The following DCC variants were observed in gnomAD, a reference collection of about 807,000 sequenced individuals.
The protein encoded by DCC is DCC netrin 1 receptor.
Under a neutral mutation model 172.5 loss-of-function variants are expected in DCC, and 58 were observed. The observed-to-expected ratio is 0.34, with a 90% confidence interval of 0.27 to 0.42. The LOEUF is 0.42. DCC is among the 10% of genes least tolerant of loss of function. DCC has a pLI of 1.00. For synonymous variants in DCC, 709 were observed against 644.5 expected, an observed-to-expected ratio of 1.10 and a Z score of -1.52; for missense variants, 1,740 against 1,791.0, an observed-to-expected ratio of 0.97 and a Z score of 0.51.
intron 7 of DCC, among the ~76,000 whole-genome samples, chr18:53,074,255 T>C (rs1165372030): frequency 6.6e-6 from 1 of 152,196 alleles, no homozygotes. Context: ...GCCAATTTCA[T>C]GTGCCATACT....
intron 27 of DCC, among the ~76,000 whole-genome samples, chr18:53,502,161 T>C (rs907677610): frequency 1.3e-5 from 2 of 152,204 alleles, no homozygotes; most frequent in Non-Finnish European, 2.9e-5. Flanking sequence ...CATCTCTTCT[T>C]TCCTATTTTC....
At chr18:53,503,659 TTTAGTGATCAGCTGCAC>T (rs2046132637) in intron 27 of DCC, among the ~76,000 whole-genome samples, 1 of 152,220 alleles carries the variant, frequency 6.6e-6, no homozygotes, top group Non-Finnish European at 1.5e-5. Context: ...TAAAATTCCT[TTTAGTGATCAGCTGCAC>T]TTTAAATGAA....
At chr18:52,698,844 C>T (rs1159317895) in intron 1 of DCC, among the ~76,000 whole-genome samples, 5 of 150,484 alleles carry the variant, frequency 3.3e-5, no homozygotes, top group Admixed American at 6.7e-5. Context: ...CTCCTGACCT[C>T]GTGATCCACC....
intron 1 of DCC, among the ~76,000 whole-genome samples, chr18:52,425,846 A>G (rs1987406371): frequency 6.6e-6 from 1 of 152,140 alleles, no homozygotes. Flanking sequence ...ATAGGAAGAC[A>G]ATACCTACCT....
chr18:53,357,514 A>C (rs1036110513), intron 15 of DCC, among the ~76,000 whole-genome samples: 5 of 152,246 alleles, frequency 3.3e-5, no homozygotes, highest in African/African-American at 9.6e-5. Flanking sequence ...GCTGACATAC[A>C]TGAATAAAAA....
At chr18:52,505,840 C>T (rs2031211766) in intron 1 of DCC, among the ~76,000 whole-genome samples, 1 of 152,030 alleles carries the variant, frequency 6.6e-6, no homozygotes, top group African/African-American at 2.4e-5. Flanking sequence ...GTCAGAATAG[C>T]ATTGTTTTTT....
At chr18:53,072,606 C>T (rs760946764) in intron 7 of DCC, among the ~76,000 whole-genome samples, 5 of 152,116 alleles carry the variant, frequency 3.3e-5, no homozygotes, top group South Asian at 2.1e-4. Flanking sequence ...GGCATAAATG[C>T]GTGAAGACAG....
chr18:52,766,891 T>A (rs2037261175), intron 2 of DCC, among the ~76,000 whole-genome samples: 1 of 151,902 alleles, frequency 6.6e-6, no homozygotes, highest in Non-Finnish European at 1.5e-5. Flanking sequence ...CTGTTCCCTG[T>A]CCCCATCAAT....
At chr18:53,179,146 A>G (rs756239394) in intron 9 of DCC, 30 bp downstream of exon 9, 2 of 1,606,130 alleles carry the variant, frequency 1.2e-6, no homozygotes, top group Non-Finnish European at 8.5e-7. Flanking sequence ...GGCCACATTT[A>G]AAAAGTATTT....
At chr18:52,436,144 A>C (rs1987787997) in intron 1 of DCC, among the ~76,000 whole-genome samples, 1 of 152,232 alleles carries the variant, frequency 6.6e-6, no homozygotes, top group Non-Finnish European at 1.5e-5. Flanking sequence ...AGAAAACACA[A>C]GGACTGTTTT....
At chr18:53,395,331 G>A (rs12327206) in intron 17 of DCC, among the ~76,000 whole-genome samples, 64,309 of 152,004 alleles carry the variant, frequency 0.42, 15,407 homozygotes, top group Non-Finnish European at 0.55. Context: ...AAAGGTGTCA[G>A]TCTAGAACAC....
chr18:52,595,268 C>G (rs2033885293), intron 1 of DCC, among the ~76,000 whole-genome samples: 1 of 151,488 alleles, frequency 6.6e-6, no homozygotes, highest in South Asian at 2.1e-4. Context: ...TATTCCATCC[C>G]CAAAGAAGGC....
intron 2 of DCC, among the ~76,000 whole-genome samples, chr18:52,786,843 G>A (rs947400776): frequency 2.6e-5 from 4 of 152,166 alleles, no homozygotes; most frequent in East Asian, 3.9e-4. Context: ...TCTGCAAGTC[G>A]AGATTGACTC....
At chr18:53,076,841 G>A (rs937300161) in intron 7 of DCC, among the ~76,000 whole-genome samples, 2 of 152,172 alleles carry the variant, frequency 1.3e-5, no homozygotes, top group African/African-American at 2.4e-5. Flanking sequence ...TCTGTTGCTA[G>A]GAGATTGGGC....
At chr18:52,712,622 G>A (rs139297390) in intron 1 of DCC, among the ~76,000 whole-genome samples, 138 of 152,292 alleles carry the variant, frequency 9.1e-4, no homozygotes, top group African/African-American at 3.3e-3. Context: ...TTAGAGCTGG[G>A]ACTAGCATCA....
At position 52,978,618 on chromosome 18, in the gene DCC, C is replaced by T. The variant is rs1467410040; in HGVS notation, c.985+53248C>T. Among the ~76,000 whole-genome samples, 5 of 152,244 alleles carry T rather than the reference C, an allele frequency of 3.3e-5. No individual in the cohort carries two copies. In the South Asian group the frequency reaches 6.2e-4, roughly 19 times the overall value. On this transcript the variant is annotated intron_variant, in intron 5 of 28. Transcript: ENST00000442544. ...GTATTGTGCCAAAGACCACACAGTT[C>T]GTAAATAGCACAGTGAGAGTGTGAA...
intron 1 of DCC, among the ~76,000 whole-genome samples, chr18:52,719,245 C>G (rs1257318681): frequency 1.3e-5 from 2 of 152,094 alleles, no homozygotes; most frequent in African/African-American, 4.8e-5. Context: ...GACCTTATCT[C>G]TAAATAACAT....
chr18:53,440,450 A>G (rs1313751775), intron 22 of DCC, among the ~76,000 whole-genome samples: 1 of 151,990 alleles, frequency 6.6e-6, no homozygotes, highest in Non-Finnish European at 1.5e-5. Context: ...TAAGTGCTCT[A>G]TAAAATTTGT....
intron 1 of DCC, among the ~76,000 whole-genome samples, chr18:52,695,274 T>G (rs1001045662): frequency 2.6e-5 from 4 of 152,230 alleles, no homozygotes; most frequent in African/African-American, 9.6e-5. Flanking sequence ...TATTACTTTA[T>G]GAGAATAATT....
Sources: allele counts gnomAD v4.1 joint callset (sites outside exome capture counted in the v4.1 genomes callset), GRCh38; gene constraint gnomAD v4.1.1; transcripts MANE v1.5; gene names NCBI Gene and HGNC (gene_info 2026-07-23, HGNC 2026-07-21).